Variants in SPAG16 observed in about 807,000 individuals in gnomAD.
The protein encoded by SPAG16 is sperm-associated antigen 16 protein.
SPAG16 carries 86 observed loss-of-function variants against 80.4 expected under a neutral mutation model. The observed-to-expected ratio is 1.07, with a 90% CI of 0.90 to 1.28. The LOEUF is 1.28. Ranked by LOEUF, SPAG16 falls within the 50% of genes most tolerant of loss-of-function variation. The pLI is 0.00. For synonymous variants in SPAG16, 294 were observed against 265.9 expected (o/e 1.11, Z -1.03); for missense variants, 870 against 765.3 (o/e 1.14, Z -1.61).
chr2:213,710,284 TA>T (rs879808085), intron 10 of SPAG16, among the ~76,000 whole-genome samples: 580 of 137,794 alleles, frequency 4.2e-3, no homozygotes, highest in Non-Finnish European at 3.9e-3. Context: ...AATCTGTCTT[TA>T]AAAAAAAAAA....
intron 9 of SPAG16, among the ~76,000 whole-genome samples, chr2:213,472,386 C>T (rs111975864): frequency 0.026 from 3,943 of 152,136 alleles, 140 homozygotes; most frequent in African/African-American, 0.079. Context: ...TTTTGATAAT[C>T]GACGATCATT....
At chr2:213,715,562 A>G (rs1159458452) in intron 10 of SPAG16, among the ~76,000 whole-genome samples, 4 of 152,200 alleles carry the variant, frequency 2.6e-5, no homozygotes, top group Non-Finnish European at 5.9e-5. Context: ...TCTGTGAAAT[A>G]TCAGTACCTT....
At chr2:213,654,977 A>T (rs1332644726) in intron 10 of SPAG16, among the ~76,000 whole-genome samples, 1 of 152,204 alleles carries the variant, frequency 6.6e-6, no homozygotes, top group African/African-American at 2.4e-5. Flanking sequence ...GTTATTAGAA[A>T]ATATACATCG....
chr2:214,358,002 G>C (rs944221305), intron 15 of SPAG16, among the ~76,000 whole-genome samples: 2 of 151,898 alleles, frequency 1.3e-5, no homozygotes, highest in African/African-American at 2.4e-5. Flanking sequence ...ACAAAATCCT[G>C]TTTCTTGTCT....
chr2:213,640,108 A>T (rs2062527941), intron 10 of SPAG16, among the ~76,000 whole-genome samples: 1 of 151,452 alleles, frequency 6.6e-6, no homozygotes, highest in African/African-American at 2.4e-5. Context: ...TTTATTTATG[A>T]TGTCTATTCT....
At chr2:214,293,003 G>A (rs1037520338) in intron 15 of SPAG16, among the ~76,000 whole-genome samples, 4 of 152,196 alleles carry the variant, frequency 2.6e-5, no homozygotes, top group East Asian at 1.9e-4. Context: ...TACTGGGGAC[G>A]AGGATGCTGG....
At chr2:213,573,749 G>A (rs906607484) in intron 10 of SPAG16, among the ~76,000 whole-genome samples, 4 of 152,108 alleles carry the variant, frequency 2.6e-5, no homozygotes, top group Non-Finnish European at 5.9e-5. Flanking sequence ...AAATTTCTGT[G>A]AATATTTGTT....
chr2:213,323,566 C>T (rs2063719350), intron 5 of SPAG16, among the ~76,000 whole-genome samples: 1 of 152,130 alleles, frequency 6.6e-6, no homozygotes, highest in Admixed American at 6.5e-5. Flanking sequence ...AATAAAGGTT[C>T]CTCAAAAAAT....
At chr2:213,740,474 C>A (rs1000024115) in intron 10 of SPAG16, among the ~76,000 whole-genome samples, 2 of 152,184 alleles carry the variant, frequency 1.3e-5, no homozygotes, top group Admixed American at 1.3e-4. Flanking sequence ...TAAAGAGGGC[C>A]ACATTTTCTT....
At chr2:213,738,614 A>G (rs1014927603) in intron 10 of SPAG16, among the ~76,000 whole-genome samples, 2 of 152,246 alleles carry the variant, frequency 1.3e-5, no homozygotes, top group Non-Finnish European at 2.9e-5. Context: ...GCCATAAGAC[A>G]TTAAAAATTA....
At chr2:214,380,410 T>C (rs1326440541) in intron 15 of SPAG16, among the ~76,000 whole-genome samples, 1 of 152,220 alleles carries the variant, frequency 6.6e-6, no homozygotes, top group Admixed American at 6.5e-5. Context: ...ACATTTTATG[T>C]AGTCCTGTGT....
At chr2:214,402,208 T>C (rs1220082383) in intron 15 of SPAG16, among the ~76,000 whole-genome samples, 3 of 152,040 alleles carry the variant, frequency 2.0e-5, no homozygotes, top group Non-Finnish European at 2.9e-5. Context: ...GGGTGCTCCA[T>C]TACAAAATGA....
At chr2:213,329,816 A>G (rs781561305) in intron 5 of SPAG16, among the ~76,000 whole-genome samples, 27 of 152,160 alleles carry the variant, frequency 1.8e-4, no homozygotes, top group Admixed American at 5.2e-4. Context: ...GCTTAGGAGG[A>G]AAAAATAGTT....
chr2:213,793,474 C>A (rs190527862), intron 10 of SPAG16, among the ~76,000 whole-genome samples: 19 of 152,248 alleles, frequency 1.2e-4, no homozygotes, highest in Non-Finnish European at 7.4e-5. Flanking sequence ...AATTGCCAGT[C>A]TGGTTTCTGC....
At chr2:214,114,328 A>G (rs896090366) in intron 14 of SPAG16, among the ~76,000 whole-genome samples, 1 of 152,212 alleles carries the variant, frequency 6.6e-6, no homozygotes, top group African/African-American at 2.4e-5. Context: ...TCAGAGCTCA[A>G]ATGCTGTGCT....
intron 11 of SPAG16, among the ~76,000 whole-genome samples, chr2:213,874,094 G>A (rs1489027259): frequency 1.3e-5 from 2 of 152,016 alleles, no homozygotes; most frequent in Non-Finnish European, 2.9e-5. Context: ...CTTGTTTAGG[G>A]CATTTACCAT....
At chr2:214,163,449 C>G (rs1159276296) in intron 15 of SPAG16, among the ~76,000 whole-genome samples, 1 of 151,238 alleles carries the variant, frequency 6.6e-6, no homozygotes, top group Non-Finnish European at 1.5e-5. Context: ...AGTATGCTTG[C>G]TTAGAAAAAT....
chr2:213,938,320 C>A (rs1304192767), intron 12 of SPAG16, among the ~76,000 whole-genome samples: 2 of 151,920 alleles, frequency 1.3e-5, no homozygotes, highest in East Asian at 1.9e-4. Flanking sequence ...TGATATGTAG[C>A]CATAGTCCAT....
chr2:213,839,245 C>A (rs924520545), intron 10 of SPAG16, among the ~76,000 whole-genome samples: 3 of 152,112 alleles, frequency 2.0e-5, no homozygotes, highest in Non-Finnish European at 4.4e-5. Context: ...TGGAGGATCA[C>A]CACACTTATT....
Sources: allele counts gnomAD v4.1 joint callset (sites outside exome capture counted in the v4.1 genomes callset), GRCh38; gene constraint gnomAD v4.1.1; transcripts MANE v1.5; gene names NCBI Gene and HGNC (gene_info 2026-07-23, HGNC 2026-07-21).